Variants in CNOT8 observed in about 807,000 individuals in gnomAD.
CNOT8 encodes CCR4-NOT transcription complex subunit 8, also known as CAF1-like protein.
Under a neutral mutation model 34.6 loss-of-function variants are expected in CNOT8, and 18 were observed. That is an observed-to-expected ratio of 0.52 (90% CI 0.36 to 0.77). The LOEUF (loss-of-function observed/expected upper bound fraction) is 0.77. Ranked by LOEUF, CNOT8 falls within the 30% of genes least tolerant of loss-of-function variation. The pLI is 0.00. For missense variants in CNOT8, 189 were observed against 347.9 expected (o/e 0.54, Z 3.63); for synonymous variants, 101 against 118.8 (o/e 0.85, Z 0.98).
chr5:154,864,765 G>C (rs1300193578), intron 2 of CNOT8, among the ~76,000 whole-genome samples: 1 of 152,098 alleles, frequency 6.6e-6, no homozygotes. Flanking sequence ...TTTTAAGATA[G>C]GATTTTGGCT....
At chr5:154,867,945 C>CT (rs60452932) in intron 3 of CNOT8, among the ~76,000 whole-genome samples, 23 of 151,526 alleles carry the variant, frequency 1.5e-4, no homozygotes, top group Middle Eastern at 3.4e-3. Context: ...CTTTCCTTTT[C>CT]TTTTTTTTTG....
chr5:154,866,972 CAA>C (rs141803965), intron 3 of CNOT8, among the ~76,000 whole-genome samples: 1 of 146,314 alleles, frequency 6.8e-6, no homozygotes, highest in Non-Finnish European at 1.5e-5. Context: ...ATAAGCAAAA[CAA>C]AAAAAAAATG....
chr5:154,863,026 C>T (rs751645072), intron 1 of CNOT8, among the ~76,000 whole-genome samples, 181 bp from the exon 2 acceptor site: 10 of 151,800 alleles, frequency 6.6e-5, no homozygotes, highest in East Asian at 1.9e-4. Flanking sequence ...TGTGTGTGTG[C>T]GTGTGTGCAT....
intron 6 of CNOT8, 81 bp from the exon 7 acceptor site, chr5:154,875,209 A>G (rs2113417062): frequency 6.7e-7 from 1 of 1,486,338 alleles, no homozygotes; most frequent in Non-Finnish European, 9.2e-7. Context: ...GAGCCATTGC[A>G]CCCGGCCAGA....
At position 154,875,597 on chromosome 5, in the gene CNOT8, G is replaced by A; in HGVS notation, c.*158G>A. The A allele has an allele frequency of 2.5e-6, 2 of 786,094 alleles. No homozygotes were observed. The highest frequency in any genetic ancestry group is 3.8e-6 in the Non-Finnish European group (2 of 520,900). The allele number at this position is 786,094 out of a possible 1,614,324, so 48.7% of individuals were successfully genotyped here. ...TTTTGTTTTACTGAAGACAAAAGATGTTTTTATTTTAGACCCAGAAGAGAG... is the reference window on the plus strand; with the variant it reads ...TTTTGTTTTACTGAAGACAAAAGATATTTTTATTTTAGACCCAGAAGAGAG... On this transcript the variant is annotated 3_prime_UTR_variant, in exon 7 of 7. Transcript: ENST00000285896.
chr5:154,868,414 C>T (rs937753209), intron 3 of CNOT8, among the ~76,000 whole-genome samples: 1 of 151,134 alleles, frequency 6.6e-6, no homozygotes, highest in Non-Finnish European at 1.5e-5. Context: ...ATTACAGGTG[C>T]CCACCATGCC....
At position 154,870,714 on chromosome 5, in the gene CNOT8, A is replaced by G. The variant is rs768323343; in HGVS notation, c.365A>G (p.Gln122Arg). The change falls in exon 4 of 7, where the codon CAG (glutamine) becomes CGG (arginine). Residue 122 changes from glutamine (Q) to arginine (R), a missense_variant. Coordinates refer to ENST00000285896, the MANE Select transcript of CNOT8 (RefSeq NM_001301073.2). ...GATCTCCTTGCTAACTCAGGACTAC[A>G]GTTTCAGAAGCATGAAGAGGAAGGG... ...SIDLLANSGL[Q>R]FQKHEEEGID... 6.2e-6 allele frequency: 10 copies of G among 1,614,124 alleles called. No individual in the cohort carries two copies. In the South Asian group the frequency reaches 9.9e-5, roughly 16 times the overall value.
At chr5:154,865,497 GAAGTCCTGCTTA>G (rs1477706976) in intron 3 of CNOT8, 112 bp downstream of exon 3, 1 of 639,200 alleles carries the variant, frequency 1.6e-6, no homozygotes, top group Non-Finnish European at 2.5e-6. Context: ...CTCAGCAAGT[GAAGTCCTGCTTA>G]AAGAACTGCA....
rs184528602 is a variant in CNOT8, at chr5:154,869,181, G to A, written c.312-1480G>A. ...GTTGCCCAGGCTGGAGTGTGATGGC[G>A]CTTTCTCAGCTCACTGCAACCTCTG... On this transcript the variant is annotated intron_variant, in intron 3 of 6. Coordinates refer to ENST00000285896, the MANE Select transcript of CNOT8 (RefSeq NM_001301073.2). Among the ~76,000 whole-genome samples the A allele has an allele frequency of 6.4e-3, 968 of 151,960 alleles. 6 individuals are homozygous for A. Among genetic ancestry groups the A allele is most frequent in the South Asian group, 0.027 (132 of 4,804 alleles).
At chr5:154,872,048 A>T (rs924336291) in intron 5 of CNOT8, among the ~76,000 whole-genome samples, 174 bp downstream of exon 5, 3 of 152,212 alleles carry the variant, frequency 2.0e-5, no homozygotes, top group Admixed American at 2.0e-4. Context: ...AACGATCTTT[A>T]ACCTGGCCAT....
At chr5:154,861,989 T>C (rs1469745154) in intron 1 of CNOT8, among the ~76,000 whole-genome samples, 2 of 152,234 alleles carry the variant, frequency 1.3e-5, no homozygotes, top group Non-Finnish European at 2.9e-5. Flanking sequence ...TGAGCCACCA[T>C]GCCCGGCTTT....
At chr5:154,875,220 T>G in intron 6 of CNOT8, 70 bp from the exon 7 acceptor site, 1 of 1,539,796 alleles carries the variant, frequency 6.5e-7, no homozygotes, top group Non-Finnish European at 8.9e-7. Flanking sequence ...CCCGGCCAGA[T>G]GTGATAATAT....
intron 1 of CNOT8, among the ~76,000 whole-genome samples, chr5:154,861,266 A>C (rs1248639807): frequency 6.6e-6 from 1 of 152,182 alleles, no homozygotes; most frequent in African/African-American, 2.4e-5. Flanking sequence ...CAAGCCTGTA[A>C]TAGAACAAAA....
At chr5:154,872,055 C>A (rs979921476) in intron 5 of CNOT8, among the ~76,000 whole-genome samples, 181 bp downstream of exon 5, 4 of 152,074 alleles carry the variant, frequency 2.6e-5, no homozygotes, top group Admixed American at 2.6e-4. Flanking sequence ...TTTAACCTGG[C>A]CATGAAGGGA....
Position 154,871,826 on chromosome 5 carries a change from A to G in CNOT8, c.570A>G (p.Pro190=), listed in dbSNP as rs1364952539. 24 of 1,613,940 alleles carry G rather than the reference A, an allele frequency of 1.5e-5. No homozygotes were observed. The highest frequency in any genetic ancestry group is 1.9e-5 in the Non-Finnish European group (23 of 1,179,928). Residue 190 remains proline (P), a synonymous_variant, in exon 5 of 7, where the codon CCA becomes CCG. Transcript: ENST00000285896. ...TTCATATTCTGAACCTTTTCTTCCC[A>G]TCCATTTATGATGTGAAATACCTGA... ...EFFHILNLFF[P]SIYDVKYLMK... is the part of the protein sequence containing the mutation.
At position 154,875,278 on chromosome 5, in the gene CNOT8, C is replaced by A; in HGVS notation, c.730-12C>A. The stretch of plus-strand genomic sequence containing the variant: ...CATAACTCTCACCATGGTTCTCTGT[C>A]CCATTCTGCAGTTGTTTTTTGAGGA... On this transcript the variant is annotated splice_polypyrimidine_tract_variant and intron_variant, in intron 6 of 6. Transcript: ENST00000285896. The A allele has an allele frequency of 6.2e-7, 1 of 1,613,660 alleles. No individual in the cohort carries two copies. The highest frequency in any genetic ancestry group is 8.5e-7 in the Non-Finnish European group (1 of 1,179,772).
At chr5:154,858,449 G>A (rs1760998393), upstream of CNOT8, 1 of 152,264 alleles carries the variant, frequency 6.6e-6, no homozygotes, top group Non-Finnish European at 1.5e-5. Context: ...CACGCACGGA[G>A]TCGCAGGGGC....
intron 3 of CNOT8, among the ~76,000 whole-genome samples, chr5:154,868,538 A>G (rs1363659745): frequency 6.7e-6 from 1 of 148,574 alleles, no homozygotes; most frequent in Non-Finnish European, 1.5e-5. Context: ...TGCTGGGATT[A>G]CATACAGTTG....
At chr5:154,870,250 GTTTGT>G (rs1276878633) in intron 3 of CNOT8, among the ~76,000 whole-genome samples, 8 of 142,836 alleles carry the variant, frequency 5.6e-5, no homozygotes, top group African/African-American at 1.9e-4. Context: ...TTTTTTTTTT[GTTTGT>G]TTTGTTTTTT....
Sources: gnomAD v4.1 joint callset for allele counts (sites outside exome capture counted in the v4.1 genomes callset) on GRCh38, gnomAD v4.1.1 for gene constraint, MANE v1.5 for transcripts, NCBI Gene and HGNC (gene_info 2026-07-23, HGNC 2026-07-21) for gene names.